The following SGK2 variants were observed in gnomAD, a reference collection of about 807,000 sequenced individuals.
SGK2 encodes serum/glucocorticoid regulated kinase 2, also known as serine/threonine-protein kinase Sgk2.
SGK2 carries 36 observed loss-of-function variants against 47.5 expected under a neutral mutation model. The ratio of observed to expected loss-of-function variants is 0.76; its 90% CI spans 0.58 to 1.00. The LOEUF is 1.00. Ranked by LOEUF, SGK2 falls within the 50% of genes least tolerant of loss-of-function variation. The pLI is 0.00. For synonymous variants in SGK2, 157 were observed against 181.9 expected, an observed-to-expected ratio of 0.86 and a Z score of 1.10; for missense variants, 404 against 467.4, an observed-to-expected ratio of 0.86 and a Z score of 1.25.
chr20:43,570,712 C>T lies in SGK2; in HGVS notation c.456C>T (p.Ser152=). The change falls in exon 7 of 13, where the codon TCC becomes TCT. Residue 152 remains serine (S), a synonymous_variant. Transcript: ENST00000373100. ...EVASAIGYLH[S]LNIIYRDLKP... ...CCAGCGCCATTGGCTACCTGCACTC[C>T]CTCAACATCATTTACAGGTGAGGCC... 1 of 1,612,790 alleles carries T rather than the reference C, an allele frequency of 6.2e-7. No homozygotes were observed. Among genetic ancestry groups the T allele is most frequent in the Non-Finnish European group, 8.5e-7 (1 of 1,178,924 alleles).
chr20:43,583,076 C>T (rs1257425914), intron 12 of SGK2: 3 of 888,746 alleles, frequency 3.4e-6, no homozygotes, highest in Non-Finnish European at 4.6e-6. Flanking sequence ...CCCCTTCCAT[C>T]GAAACAGCCT....
chr20:43,577,347 CT>C (rs924498448), intron 11 of SGK2, among the ~76,000 whole-genome samples: 6,638 of 122,066 alleles, frequency 0.054, 195 homozygotes, highest in African/African-American at 0.11. Flanking sequence ...ACTGCATCTG[CT>C]TTTTTTTTTT....
chr20:43,568,245 C>A (rs1469056642), intron 5 of SGK2, among the ~76,000 whole-genome samples: 1 of 152,202 alleles, frequency 6.6e-6, no homozygotes, highest in Non-Finnish European at 1.5e-5. Flanking sequence ...GAAACACAGG[C>A]TCCACGATGG....
chr20:43,568,090 T>G, intron 5 of SGK2, 91 bp downstream of exon 5: 1 of 1,008,254 alleles, frequency 9.9e-7, no homozygotes, highest in Non-Finnish European at 1.6e-6. Context: ...CTCTGACAGG[T>G]CCATGGGCCT....
At chr20:43,570,814 A>C (rs1253575263) in intron 7 of SGK2, 85 bp downstream of exon 7, 1 of 1,298,932 alleles carries the variant, frequency 7.7e-7, no homozygotes, top group Non-Finnish European at 1.1e-6. Flanking sequence ...AATCCTGATG[A>C]AATCCTGGTG....
In SGK2 at chr20:43,571,012, T is replaced by C. The variant is rs1022024664; in HGVS notation, c.474-12T>C. On this transcript the variant is annotated splice_polypyrimidine_tract_variant and intron_variant, in intron 7 of 12. Transcript: ENST00000373100. Reference sequence around the variant, plus strand: ...GAGACACCTCAAGGCTGTTTTCTCTTATTTTCTGCAGGGATCTGAAACCAG... The same window carrying C: ...GAGACACCTCAAGGCTGTTTTCTCTCATTTTCTGCAGGGATCTGAAACCAG... 1.2e-6 allele frequency: 2 copies of C among 1,612,122 alleles called. No homozygotes were observed. The highest frequency in any genetic ancestry group is 1.3e-5 in the African/African-American group (1 of 74,796).
chr20:43,572,109 C>T lies in SGK2; in HGVS notation c.569C>T (p.Thr190Ile). 4 of 1,549,494 alleles carry T rather than the reference C, an allele frequency of 2.6e-6. No homozygotes were observed. The highest frequency in any genetic ancestry group is 3.5e-6 in the Non-Finnish European group (4 of 1,145,490). Residue 190 changes from threonine (T) to isoleucine (I), a missense_variant, in exon 9 of 13, where the codon ACC (threonine) becomes ATC (isoleucine). Transcript: ENST00000373100. The surrounding 1 kb of genome is among the most constrained non-coding windows in gnomAD (Gnocchi z 4.2). ...AAGGAAGGTGTAGAGCCTGAAGACA[C>T]CACATCCACATTCTGTGGTACCCCT... Reference protein sequence around the residue: ...LCKEGVEPEDTTSTFCGTPEY... With the variant: ...LCKEGVEPEDITSTFCGTPEY...
At chr20:43,571,509 C>T (rs969283699) in intron 8 of SGK2, among the ~76,000 whole-genome samples, 6 of 152,130 alleles carry the variant, frequency 3.9e-5, no homozygotes, top group Admixed American at 1.3e-4. Flanking sequence ...GGGGGAGGGC[C>T]TGAGCTGGGG....
In SGK2 at chr20:43,571,073, G is replaced by A. The variant is rs1288612304; in HGVS notation, c.510+13G>A. On this transcript the variant is annotated intron_variant, in intron 8 of 12. Coordinates refer to ENST00000373100, the MANE Select transcript of SGK2 (RefSeq NM_170693.3). ...CTTGGACTGCCAGGTTGGTGTGTGT[G>A]TGTGTGTGTGTGTGTGTGTGTGTGT... is the stretch of plus-strand genomic sequence containing the variant. 3 of 1,490,910 alleles carry A rather than the reference G, an allele frequency of 2.0e-6. No individual in the cohort carries two copies. Among genetic ancestry groups the A allele is most frequent in the African/African-American group, 2.8e-5 (2 of 72,714 alleles). The allele number at this position is 1,490,910 out of a possible 1,614,324, so 92.4% of individuals were successfully genotyped here.
intron 1 of SGK2, among the ~76,000 whole-genome samples, chr20:43,563,111 G>A (rs571644911): frequency 3.0e-4 from 44 of 144,802 alleles, no homozygotes; most frequent in Middle Eastern, 4.0e-3. Context: ...ACTCCAGCCT[G>A]GGTGACAGAG....
chr20:43,578,950 A>G (rs2145556128), intron 11 of SGK2, among the ~76,000 whole-genome samples: 1 of 151,510 alleles, frequency 6.6e-6, no homozygotes, highest in South Asian at 2.1e-4. Flanking sequence ...CCTTCCAGCC[A>G]CCCAGTTCCT....
chr20:43,566,545 G>T lies in SGK2; in HGVS notation c.36+14G>T. ...CCAAGTCCACAGGTGAGTGGTTCTT[G>T]GTCCCCCACCCATCATCGGGGGCTC... On this transcript the variant is annotated intron_variant, in intron 2 of 12. Transcript: ENST00000373100. The T allele has an allele frequency of 6.3e-7, 1 of 1,579,220 alleles. No homozygotes were observed.
intron 5 of SGK2, 60 bp from the exon 6 acceptor site, chr20:43,569,325 C>T: frequency 1.3e-6 from 2 of 1,595,992 alleles, no homozygotes; most frequent in South Asian, 2.2e-5. Flanking sequence ...ATGGGCTGAG[C>T]CGGGATAAAA....
intron 8 of SGK2, among the ~76,000 whole-genome samples, chr20:43,571,295 G>A (rs1365639262): frequency 6.6e-6 from 1 of 152,250 alleles, no homozygotes; most frequent in East Asian, 1.9e-4. Flanking sequence ...GGGGGCAGGG[G>A]TGGAGCCAGG....
At chr20:43,575,981 T>C (rs1176942055) in intron 10 of SGK2, among the ~76,000 whole-genome samples, 1 of 152,162 alleles carries the variant, frequency 6.6e-6, no homozygotes, top group Non-Finnish European at 1.5e-5. Flanking sequence ...GCAAAGTTGG[T>C]GCATAAGCTA....
chr20:43,576,146 C>T, intron 10 of SGK2, 78 bp from the exon 11 acceptor site: 1 of 1,553,918 alleles, frequency 6.4e-7, no homozygotes, highest in Non-Finnish European at 8.8e-7. Flanking sequence ...TCCCAGCCGC[C>T]CACCTTGCTC....
chr20:43,576,464 C>G (rs1451994266), intron 11 of SGK2, 85 bp downstream of exon 11: 2 of 1,180,268 alleles, frequency 1.7e-6, no homozygotes, highest in Non-Finnish European at 2.4e-6. Flanking sequence ...TAACACGCAT[C>G]CTGCTGCCTT....
intron 9 of SGK2, among the ~76,000 whole-genome samples, chr20:43,573,267 T>G (rs1202926968): frequency 1.3e-5 from 2 of 152,194 alleles, no homozygotes; most frequent in Non-Finnish European, 2.9e-5. Context: ...GGCAGGCAGA[T>G]CACCTGAGGT....
At chr20:43,584,512 T>C (rs1399423210) in intron 12 of SGK2, among the ~76,000 whole-genome samples, 2 of 152,162 alleles carry the variant, frequency 1.3e-5, no homozygotes, top group South Asian at 4.1e-4. Context: ...ATGCTTATTA[T>C]CAATCCTCCT....
Sources: allele counts gnomAD v4.1 joint callset (sites outside exome capture counted in the v4.1 genomes callset), GRCh38; gene constraint gnomAD v4.1.1; non-coding constraint Gnocchi (gnomAD v3.1); transcripts MANE v1.5; gene names NCBI Gene and HGNC (gene_info 2026-07-23, HGNC 2026-07-21).